Variants in MAPKAPK5 observed in about 807,000 individuals in gnomAD.
MAPKAPK5 encodes MAPK activated protein kinase 5.
A neutral mutation model predicts 65.1 loss-of-function variants in MAPKAPK5; 30 were observed. The ratio of observed to expected loss-of-function variants is 0.46; its 90% confidence interval spans 0.34 to 0.63. The LOEUF is 0.63. Ranked by LOEUF, MAPKAPK5 falls within the 20% of genes least tolerant of loss-of-function variation. MAPKAPK5 has a pLI of 0.01. For synonymous variants in MAPKAPK5, 179 were observed against 204.6 expected, an observed-to-expected ratio of 0.87 and a Z score of 1.07; for missense variants, 433 against 581.4, an observed-to-expected ratio of 0.74 and a Z score of 2.63.
intron 2 of MAPKAPK5, among the ~76,000 whole-genome samples, chr12:111,865,847 A>C (rs2136105009): frequency 6.6e-6 from 1 of 151,450 alleles, no homozygotes; most frequent in South Asian, 2.1e-4. Flanking sequence ...AAAAAAAAAA[A>C]AAAAAAAAAA....
At chr12:111,859,939 G>A (rs1046153749) in intron 1 of MAPKAPK5, among the ~76,000 whole-genome samples, 28 of 152,130 alleles carry the variant, frequency 1.8e-4, no homozygotes, top group African/African-American at 6.5e-4. Context: ...GTGAGCCACC[G>A]TGCCCAGCGA....
At chr12:111,876,438 A>C (rs2069975670) in intron 7 of MAPKAPK5, among the ~76,000 whole-genome samples, 1 of 152,130 alleles carries the variant, frequency 6.6e-6, no homozygotes, top group East Asian at 1.9e-4. Context: ...TGCATAAAGC[A>C]CATGTACCCC....
intron 9 of MAPKAPK5, among the ~76,000 whole-genome samples, chr12:111,885,089 C>T (rs1332758618): frequency 6.6e-6 from 1 of 152,208 alleles, no homozygotes; most frequent in African/African-American, 2.4e-5. Flanking sequence ...AATACATTTC[C>T]TGTCCCTAGA....
intron 1 of MAPKAPK5, among the ~76,000 whole-genome samples, chr12:111,861,079 C>T (rs2069420758): frequency 6.6e-6 from 1 of 151,560 alleles, no homozygotes; most frequent in Non-Finnish European, 1.5e-5. Context: ...AAAGCTTGAA[C>T]CCAGGAGGTG....
chr12:111,877,055 T>TG (rs1260085499), intron 7 of MAPKAPK5, among the ~76,000 whole-genome samples: 8 of 152,328 alleles, frequency 5.3e-5, no homozygotes, highest in Admixed American at 3.9e-4. Flanking sequence ...GTCTTGCTCC[T>TG]GGCACAAGTT....
In MAPKAPK5 at chr12:111,900,879, CAGTG is replaced by C; in HGVS notation, c.*7819_*7822del. On this transcript the variant is annotated 3_prime_UTR_variant, in exon 14 of 14. Transcript: ENST00000550735. ...AGTTCATTGTATGGACCCTAATAATCAGTGCTTACAATTATATGGATATGGTGCA... is the reference window on the plus strand; with the variant it reads ...AGTTCATTGTATGGACCCTAATAATCCTTACAATTATATGGATATGGTGCA... The C allele has an allele frequency of 2.2e-6, 1 of 456,022 alleles. No individual in the cohort carries two copies. The highest frequency in any genetic ancestry group is 1.5e-5 in the South Asian group (1 of 64,554). The allele number at this position is 456,022 out of a possible 1,614,324, so 28.2% of individuals were successfully genotyped here. A position where few individuals can be genotyped will look rare whatever the true frequency, so the allele number is the denominator to read the frequency against.
In MAPKAPK5 at chr12:111,852,800, G is replaced by A. The variant is rs576729292; in HGVS notation, c.36+10031G>A. On this transcript the variant is annotated intron_variant, in intron 1 of 13. Coordinates refer to ENST00000550735, the MANE Select transcript of MAPKAPK5 (RefSeq NM_003668.4). Reference sequence around the variant, plus strand: ...ATTTATTCTTTTTTTTTGAGACAGAGTCTCACTCTGTCTCGCAGGCTTAAG... The same window carrying A: ...ATTTATTCTTTTTTTTTGAGACAGAATCTCACTCTGTCTCGCAGGCTTAAG... Among the ~76,000 whole-genome samples the A allele has an allele frequency of 3.0e-4, 46 of 151,924 alleles. 2 individuals carry two copies. The highest frequency in any genetic ancestry group is 2.8e-3 in the Admixed American group (43 of 15,264).
rs749728532 is a variant in MAPKAPK5 at position 111,883,753 on chromosome 12, A to G, written c.833A>G (p.Lys278Arg). Residue 278 changes from lysine (K) to arginine (R), a missense_variant, in exon 9 of 14, where the codon AAA (lysine) becomes AGA (arginine). Lys to Arg is a conservative substitution (Grantham distance 26, BLOSUM62 2). Coordinates refer to ENST00000550735, the MANE Select transcript of MAPKAPK5 (RefSeq NM_003668.4). This position sits in a 1 kb window ranked among gnomAD's most constrained non-coding sequence, Gnocchi z 4.8. Reference sequence around the variant, plus strand: ...TGGAGTCAGATCTCAGAGATGGCCAAAGATGTTGTGAGGAAGTGAGTTCAC... The same window carrying G: ...TGGAGTCAGATCTCAGAGATGGCCAGAGATGTTGTGAGGAAGTGAGTTCAC... ...EEWSQISEMA[K>R]DVVRKLLKVK... 2 of 1,613,708 alleles carry G rather than the reference A, an allele frequency of 1.2e-6. No homozygotes were observed. The highest frequency in any genetic ancestry group is 1.7e-6 in the Non-Finnish European group (2 of 1,179,790).
At chr12:111,881,422 T>TTTTTTTTTTTTTA (rs1593174169) in intron 8 of MAPKAPK5, among the ~76,000 whole-genome samples, 1 of 126,474 alleles carries the variant, frequency 7.9e-6, no homozygotes, top group Non-Finnish European at 1.8e-5. Flanking sequence ...TTTTTTTTTT[T>TTTTTTTTTTTTTA]GAGACAGAGT....
rs184053084 is a variant in MAPKAPK5, at chr12:111,878,188, G to C, written c.580-2259G>C. On this transcript the variant is annotated intron_variant, in intron 7 of 13. Coordinates refer to ENST00000550735, the MANE Select transcript of MAPKAPK5 (RefSeq NM_003668.4). ...CCAGTTTATCAGAAAACTTTTTTAA[G>C]GCCTGTGCTTTTGGTTTCCTATGTT... Among the ~76,000 whole-genome samples the C allele has an allele frequency of 8.6e-5, 13 of 151,956 alleles. No individual in the cohort carries two copies. In the East Asian group the frequency reaches 2.3e-3, roughly 27 times the overall value.
At chr12:111,847,143 AC>A (rs1373395916) in intron 1 of MAPKAPK5, among the ~76,000 whole-genome samples, 1 of 151,762 alleles carries the variant, frequency 6.6e-6, no homozygotes, top group African/African-American at 2.4e-5. Context: ...GGAGTTTGAG[AC>A]CAGCCTGGCC....
chr12:111,890,813 A>G (rs2070578982), intron 13 of MAPKAPK5, among the ~76,000 whole-genome samples: 1 of 152,078 alleles, frequency 6.6e-6, no homozygotes. Flanking sequence ...AAGTGCCACC[A>G]TGCCCAGCTA....
chr12:111,846,763 C>G (rs1352376270), intron 1 of MAPKAPK5, among the ~76,000 whole-genome samples: 1 of 152,056 alleles, frequency 6.6e-6, no homozygotes, highest in Non-Finnish European at 1.5e-5. Context: ...TCCCAAAGTG[C>G]TAGAGTTACA....
chr12:111,872,465 A>G (rs2069815812), intron 7 of MAPKAPK5, among the ~76,000 whole-genome samples: 1 of 152,170 alleles, frequency 6.6e-6, no homozygotes, highest in South Asian at 2.1e-4. Flanking sequence ...TTTCTTGTTA[A>G]AGAATTGAGG....
rs1441609290 is a variant in MAPKAPK5 at position 111,896,202 on chromosome 12, G to A, written c.*3141G>A. 6.6e-6 allele frequency: 1 copy of A among 152,122 alleles called. No individual in the cohort carries two copies. Among genetic ancestry groups the A allele is most frequent in the African/African-American group, 2.4e-5 (1 of 41,430 alleles). 9.4% of individuals were successfully genotyped at this position (152,122 alleles called of 1,614,324 possible). A position where few individuals can be genotyped will look rare whatever the true frequency, so the allele number is the denominator to read the frequency against. ...CTCAGGATGATTATTTTTTCCTTCAGTGTATGCTGAATTTTAGGTGCGATG... is the reference window on the plus strand; with the variant it reads ...CTCAGGATGATTATTTTTTCCTTCAATGTATGCTGAATTTTAGGTGCGATG... On this transcript the variant is annotated 3_prime_UTR_variant, in exon 14 of 14. Coordinates refer to ENST00000550735, the MANE Select transcript of MAPKAPK5 (RefSeq NM_003668.4).
chr12:111,880,605 G>A (rs2070165374), intron 8 of MAPKAPK5, 78 bp downstream of exon 8: 4 of 1,276,176 alleles, frequency 3.1e-6, no homozygotes, highest in Non-Finnish European at 4.5e-6. Context: ...CCCTCTGGGA[G>A]TGTGGCCAAT....
At chr12:111,861,933 A>G (rs2069452329) in intron 1 of MAPKAPK5, among the ~76,000 whole-genome samples, 6 of 152,280 alleles carry the variant, frequency 3.9e-5, no homozygotes, top group Middle Eastern at 6.8e-3. Flanking sequence ...CTCAAAAATG[A>G]TTTTATTCCA....
Position 111,888,508 on chromosome 12 carries a change from G to A in MAPKAPK5, c.990G>A (p.Gln330=). 1 of 1,613,944 alleles carries A rather than the reference G, an allele frequency of 6.2e-7. No individual in the cohort carries two copies. ...MMDKAVVAGI[Q]QAHAEQLANM... ...TTCAGGCAGTGGTTGCAGGAATCCAGCAGGCTCACGCGGAACAGTTGGCCA... is the reference window on the plus strand; with the variant it reads ...TTCAGGCAGTGGTTGCAGGAATCCAACAGGCTCACGCGGAACAGTTGGCCA... The change falls in exon 11 of 14, where the codon CAG becomes CAA. Residue 330 remains glutamine (Q), a synonymous_variant. Transcript: ENST00000550735.
chr12:111,890,628 G>A (rs1398138896), intron 13 of MAPKAPK5, among the ~76,000 whole-genome samples: 1 of 152,114 alleles, frequency 6.6e-6, no homozygotes, highest in Non-Finnish European at 1.5e-5. Flanking sequence ...TTTTTTTCCC[G>A]AAGCAAATAA....
Sources: allele counts gnomAD v4.1 joint callset (sites outside exome capture counted in the v4.1 genomes callset), GRCh38; gene constraint gnomAD v4.1.1; non-coding constraint Gnocchi (gnomAD v3.1); transcripts MANE v1.5; gene names NCBI Gene and HGNC (gene_info 2026-07-23, HGNC 2026-07-21).